The following STXBP3 variants were observed in gnomAD, a reference collection of about 807,000 sequenced individuals.
STXBP3 encodes syntaxin binding protein 3, also known as syntaxin-binding protein 3.
Under a neutral mutation model 85.7 loss-of-function variants are expected in STXBP3, and 41 were observed. That is an observed-to-expected ratio of 0.48 (90% CI 0.37 to 0.62). STXBP3 has a LOEUF of 0.62. STXBP3 is among the 20% of genes least tolerant of loss of function. The probability of loss-of-function intolerance (pLI) is 0.00; values close to 1 mark genes in which losing one functional copy is unlikely to be tolerated. For missense variants in STXBP3, 563 were observed against 703.1 expected (o/e 0.80, Z 2.25); for synonymous variants, 229 against 231.7 (o/e 0.99, Z 0.10).
chr1:108,807,719 G>A (rs1316481524), intron 18 of STXBP3, among the ~76,000 whole-genome samples, 170 bp downstream of exon 18: 1 of 151,912 alleles, frequency 6.6e-6, no homozygotes, highest in African/African-American at 2.4e-5. Flanking sequence ...TGGAATTACA[G>A]GTGTCTGCCA....
chr1:108,782,610 C>T, intron 10 of STXBP3, 39 bp from the exon 11 acceptor site: 1 of 1,598,046 alleles, frequency 6.3e-7, no homozygotes, highest in Non-Finnish European at 8.5e-7. Context: ...TAAAGAATTA[C>T]ATCTTAGAAA....
chr1:108,797,852 C>A (rs1379927504), intron 15 of STXBP3, among the ~76,000 whole-genome samples: 1 of 152,106 alleles, frequency 6.6e-6, no homozygotes, highest in African/African-American at 2.4e-5. Context: ...TCTCCTGCCT[C>A]AGCCTCCCTA....
chr1:108,808,408 A>G (rs774569082), intron 18 of STXBP3, among the ~76,000 whole-genome samples: 2 of 152,212 alleles, frequency 1.3e-5, no homozygotes, highest in Non-Finnish European at 2.9e-5. Context: ...CTCCTGACCC[A>G]TGGAGGCGAT....
At chr1:108,747,458 G>C (rs1273760944) in intron 1 of STXBP3, among the ~76,000 whole-genome samples, 1 of 152,136 alleles carries the variant, frequency 6.6e-6, no homozygotes, top group Non-Finnish European at 1.5e-5. Context: ...CCTCCCTGCT[G>C]TTAGGACCGG....
chr1:108,796,196 T>A, intron 13 of STXBP3, 38 bp from the exon 14 acceptor site: 1 of 1,590,818 alleles, frequency 6.3e-7, no homozygotes, highest in Non-Finnish European at 8.5e-7. Flanking sequence ...AAATGAATTT[T>A]GGTTATAGAT....
rs1478536712 is a variant in STXBP3, at chr1:108,779,418, T to C, written c.809+8T>C. On this transcript the variant is annotated splice_region_variant and intron_variant, in intron 9 of 18. Transcript: ENST00000370008. ...TGAGAATGATACATACAAGCAAGTA[T>C]AACTTGAAGGGCATATAAAGGGCAT... The C allele has an allele frequency of 1.9e-6, 3 of 1,607,972 alleles. No homozygotes were observed. In the Admixed American group the frequency reaches 5.0e-5, roughly 27 times the overall value.
chr1:108,766,229 GAA>G (rs199743923), intron 6 of STXBP3, among the ~76,000 whole-genome samples: 2 of 140,460 alleles, frequency 1.4e-5, no homozygotes, highest in Admixed American at 1.4e-4. Context: ...CCCCGCCCCT[GAA>G]AAAAAAAAGG....
Position 108,793,563 on chromosome 1 carries a change from A to C in STXBP3, c.964-19A>C, listed in dbSNP as rs1398557905. 6.2e-7 allele frequency: 1 copy of C among 1,605,872 alleles called. No individual in the cohort carries two copies. The highest frequency in any genetic ancestry group is 8.5e-7 in the Non-Finnish European group (1 of 1,175,314). ...ACTGAATCATAGGCTTGCCTAAAAA[A>C]ATGTTTGATTTTTCCTAGACATCAC... On this transcript the variant is annotated intron_variant, in intron 11 of 18. Coordinates refer to ENST00000370008, the MANE Select transcript of STXBP3 (RefSeq NM_007269.4).
chr1:108,751,290 C>A (rs1265603126), intron 1 of STXBP3, among the ~76,000 whole-genome samples: 2 of 152,114 alleles, frequency 1.3e-5, no homozygotes, highest in African/African-American at 4.8e-5. Flanking sequence ...ATTCCAAGGT[C>A]TTTAGGGGCT....
intron 18 of STXBP3, 57 bp from the exon 19 acceptor site, chr1:108,808,726 G>A: frequency 7.4e-7 from 1 of 1,353,890 alleles, no homozygotes; most frequent in Non-Finnish European, 1.1e-6. Context: ...ATTATATTAA[G>A]CGAAGGAAAA....
chr1:108,799,548 G>A (rs1451973190), intron 16 of STXBP3, among the ~76,000 whole-genome samples: 2 of 151,990 alleles, frequency 1.3e-5, no homozygotes, highest in East Asian at 3.9e-4. Flanking sequence ...AATATTCTTG[G>A]ACTACTGAGT....
At chr1:108,767,177 C>T (rs904305711) in intron 6 of STXBP3, 1 of 256,918 alleles carries the variant, frequency 3.9e-6, no homozygotes, top group South Asian at 4.2e-5. Flanking sequence ...CTGGGTCTGT[C>T]TGACCCCATT....
intron 16 of STXBP3, among the ~76,000 whole-genome samples, 169 bp downstream of exon 16, chr1:108,798,406 CTTT>C (rs781000610): frequency 2.0e-5 from 2 of 101,578 alleles, no homozygotes; most frequent in Non-Finnish European, 1.9e-5. Flanking sequence ...GATTCTTCTT[CTTT>C]TTTTTTTTTT....
intron 3 of STXBP3, 114 bp downstream of exon 3, chr1:108,753,258 A>T: frequency 3.2e-6 from 2 of 618,518 alleles, no homozygotes; most frequent in Non-Finnish European, 5.2e-6. Context: ...AAATTACTGT[A>T]GCCATAACTA....
intron 17 of STXBP3, among the ~76,000 whole-genome samples, chr1:108,806,992 G>A (rs529999115): frequency 2.0e-5 from 3 of 152,228 alleles, no homozygotes; most frequent in East Asian, 1.9e-4. Flanking sequence ...GGTGGCTTAT[G>A]CCTGTTATCC....
chr1:108,751,170 C>G (rs1661895002), intron 1 of STXBP3, among the ~76,000 whole-genome samples: 1 of 152,284 alleles, frequency 6.6e-6, no homozygotes, highest in African/African-American at 2.4e-5. Flanking sequence ...AGTTCCAACC[C>G]TCTAAACATG....
At chr1:108,751,723 CAT>C (rs913433205) in intron 1 of STXBP3, among the ~76,000 whole-genome samples, 2 of 152,020 alleles carry the variant, frequency 1.3e-5, no homozygotes, top group Admixed American at 6.5e-5. Context: ...ATTTTTAAAA[CAT>C]ATTTAGATAA....
At chr1:108,806,321 T>C (rs1448793564) in intron 17 of STXBP3, among the ~76,000 whole-genome samples, 1 of 152,180 alleles carries the variant, frequency 6.6e-6, no homozygotes, top group Non-Finnish European at 1.5e-5. Context: ...GATGAAGAAC[T>C]GAATTTCTTA....
At chr1:108,799,564 G>T (rs970064603) in intron 16 of STXBP3, among the ~76,000 whole-genome samples, 2 of 151,804 alleles carry the variant, frequency 1.3e-5, no homozygotes, top group African/African-American at 4.8e-5. Context: ...TGAGTACTTT[G>T]TGCCCAATCC....
Sources: allele counts gnomAD v4.1 joint callset (sites outside exome capture counted in the v4.1 genomes callset), GRCh38; gene constraint gnomAD v4.1.1; transcripts MANE v1.5; gene names NCBI Gene and HGNC (gene_info 2026-07-23, HGNC 2026-07-21).